The following SCP2 variants were observed in gnomAD, a reference collection of about 807,000 sequenced individuals.
SCP2 encodes the protein SCP-2/3-oxoacyl-CoA thiolase.
Under a neutral mutation model 71.4 loss-of-function variants are expected in SCP2, and 48 were observed. The observed-to-expected ratio is 0.67, with a 90% confidence interval of 0.53 to 0.86. The LOEUF (loss-of-function observed/expected upper bound fraction) is 0.86, where lower values mean the gene tolerates loss of function less well. Ranked by LOEUF, SCP2 falls within the 40% of genes least tolerant of loss-of-function variation. The pLI, the probability that SCP2 is intolerant of heterozygous loss-of-function variation, is 0.00. For missense variants in SCP2, 560 were observed against 655.6 expected (o/e 0.85, Z 1.59); for synonymous variants, 220 against 218.1 (o/e 1.01, Z -0.08).
At chr1:53,005,771 G>A (rs1186037453) in intron 11 of SCP2, among the ~76,000 whole-genome samples, 1 of 152,160 alleles carries the variant, frequency 6.6e-6, no homozygotes, top group Non-Finnish European at 1.5e-5. Context: ...TGGACGCAGA[G>A]TGACTTTGAT....
At chr1:53,037,496 G>A (rs191538679) in intron 13 of SCP2, among the ~76,000 whole-genome samples, 1 of 150,736 alleles carries the variant, frequency 6.6e-6, no homozygotes, top group Non-Finnish European at 1.5e-5. Flanking sequence ...AATGCTTCAG[G>A]AAGGAAAGGC....
chr1:52,944,316 C>CT (rs1025943937), intron 2 of SCP2, among the ~76,000 whole-genome samples: 26 of 151,516 alleles, frequency 1.7e-4, no homozygotes, highest in East Asian at 1.2e-3. Context: ...TTTGCTTCAA[C>CT]TTTTTTTTTG....
intron 11 of SCP2, among the ~76,000 whole-genome samples, chr1:53,007,955 C>T (rs541471842): frequency 1.3e-3 from 193 of 151,892 alleles, no homozygotes; most frequent in Middle Eastern, 3.4e-3. Context: ...ATATCACCAC[C>T]GATACCACAG....
intron 11 of SCP2, among the ~76,000 whole-genome samples, chr1:53,012,652 G>T (rs902727696): frequency 6.6e-6 from 1 of 152,148 alleles, no homozygotes; most frequent in Non-Finnish European, 1.5e-5. Flanking sequence ...TTATTTCCAT[G>T]GAATGGTTTT....
chr1:53,007,924 C>A (rs960848393), intron 11 of SCP2, among the ~76,000 whole-genome samples: 1 of 151,704 alleles, frequency 6.6e-6, no homozygotes, highest in Non-Finnish European at 1.5e-5. Flanking sequence ...CAAATAGATG[C>A]AATAAAAAAT....
Position 53,027,618 on chromosome 1 carries a change from C to T in SCP2, c.1236-351C>T, listed in dbSNP as rs189133370. ...CTCCTAGGTTCAAGCGATTCTCCTA[C>T]CTCAGCCTCCTGAGTTGCTGGGATT... is the stretch of plus-strand genomic sequence containing the variant. On this transcript the variant is annotated intron_variant, in intron 12 of 15. Coordinates refer to ENST00000371514, the MANE Select transcript of SCP2 (RefSeq NM_002979.5). Among the ~76,000 whole-genome samples, 93 of 152,114 alleles carry T rather than the reference C, an allele frequency of 6.1e-4. 1 individual carries two copies. The highest frequency in any genetic ancestry group is 4.6e-3 in the Admixed American group (70 of 15,290).
intron 13 of SCP2, among the ~76,000 whole-genome samples, chr1:53,034,537 T>C (rs1273368270): frequency 1.3e-5 from 2 of 152,160 alleles, no homozygotes; most frequent in African/African-American, 4.8e-5. Context: ...GTGGTTTTGG[T>C]TGTACAACCT....
rs1017457327 is a variant in SCP2, at chr1:53,018,078, C to G, written c.1235+3035C>G. ...CCATGTTGGCCAGGCTGGTCTTGAA[C>G]TCCTGACCTCAGGTAATCCACCTGC... On this transcript the variant is annotated intron_variant, in intron 12 of 15. Transcript: ENST00000371514. Among the ~76,000 whole-genome samples, 80 of 152,164 alleles carry G rather than the reference C, an allele frequency of 5.3e-4. 5 individuals carry two copies. The highest frequency in any genetic ancestry group is 5.9e-5 in the Non-Finnish European group (4 of 68,028).
intron 5 of SCP2, among the ~76,000 whole-genome samples, chr1:52,955,049 T>A (rs543001796): frequency 6.6e-6 from 1 of 152,358 alleles, no homozygotes; most frequent in East Asian, 1.9e-4. Flanking sequence ...TTTTGATAAA[T>A]GAATTACATT....
chr1:52,951,302 A>G (rs369079784), intron 4 of SCP2, among the ~76,000 whole-genome samples: 158 of 151,602 alleles, frequency 1.0e-3, no homozygotes, highest in African/African-American at 3.5e-3. Context: ...CCCAAAAAAC[A>G]AAAAAAAGGC....
At chr1:53,028,190 G>A in intron 13 of SCP2, 119 bp downstream of exon 13, 1 of 664,664 alleles carries the variant, frequency 1.5e-6, no homozygotes, top group Non-Finnish European at 2.8e-6. Context: ...GTCAAGTATT[G>A]AGTGTAGTTA....
chr1:52,990,650 C>A (rs1456539227), intron 11 of SCP2, among the ~76,000 whole-genome samples: 2 of 137,686 alleles, frequency 1.5e-5, no homozygotes, highest in African/African-American at 5.5e-5. Flanking sequence ...AGGAGAATGG[C>A]GTGAACCCGG....
intron 11 of SCP2, among the ~76,000 whole-genome samples, chr1:53,002,666 A>G (rs1044449986): frequency 6.6e-6 from 1 of 152,200 alleles, no homozygotes; most frequent in Non-Finnish European, 1.5e-5. Context: ...GTGCGAAGTA[A>G]TTATTTCTTT....
rs761612996 is a variant in SCP2 at position 53,039,027 on chromosome 1, A to T, written c.1449A>T (p.Gly483=). 8 of 1,614,066 alleles carry T rather than the reference A, an allele frequency of 5.0e-6. No individual in the cohort carries two copies. The highest frequency in any genetic ancestry group is 5.9e-6 in the Non-Finnish European group (7 of 1,180,030). ...TWVVDVKNGK[G]SVLPNSDKKA... is the part of the protein sequence containing the mutation. ...TGGTGGATGTGAAGAATGGCAAAGG[A>T]TCAGTGCTTCCTAACTCAGGTTAGT... Residue 483 remains glycine, a synonymous_variant, in exon 14 of 16, where the codon GGA becomes GGT. Coordinates refer to ENST00000371514, the MANE Select transcript of SCP2 (RefSeq NM_002979.5).
intron 11 of SCP2, among the ~76,000 whole-genome samples, chr1:53,010,458 A>G (rs1220161027): frequency 2.6e-5 from 4 of 152,180 alleles, no homozygotes; most frequent in Non-Finnish European, 5.9e-5. Context: ...ATAAAAAAGG[A>G]TGAGTTCATG....
intron 2 of SCP2, among the ~76,000 whole-genome samples, chr1:52,942,970 G>A (rs1170546447): frequency 6.6e-6 from 1 of 152,066 alleles, no homozygotes; most frequent in Non-Finnish European, 1.5e-5. Flanking sequence ...CCAGAGTGCT[G>A]GGATTACAGG....
intron 11 of SCP2, among the ~76,000 whole-genome samples, chr1:52,988,558 C>T (rs1272998026): frequency 3.3e-5 from 5 of 152,104 alleles, no homozygotes; most frequent in Non-Finnish European, 4.4e-5. Flanking sequence ...CTATTTTTAT[C>T]AGTCAATCAC....
intron 12 of SCP2, among the ~76,000 whole-genome samples, chr1:53,024,738 A>C (rs1256699969): frequency 6.6e-6 from 1 of 151,738 alleles, no homozygotes; most frequent in Non-Finnish European, 1.5e-5. Context: ...TGCCCGGCTA[A>C]TTTTTGTATT....
intron 11 of SCP2, among the ~76,000 whole-genome samples, chr1:53,013,510 G>T (rs996526996): frequency 1.3e-5 from 2 of 151,378 alleles, no homozygotes; most frequent in Non-Finnish European, 2.9e-5. Context: ...CAGGAGAATC[G>T]CTGGAACCTG....
Sources: gnomAD v4.1 joint callset for allele counts (sites outside exome capture counted in the v4.1 genomes callset) on GRCh38, gnomAD v4.1.1 for gene constraint, MANE v1.5 for transcripts, NCBI Gene and HGNC (gene_info 2026-07-23, HGNC 2026-07-21) for gene names.